Variants in ZNF79 observed in about 807,000 individuals in gnomAD.
ZNF79 encodes the protein ZNFpT7.
A neutral mutation model predicts 14.9 loss-of-function variants in ZNF79; 13 were observed. The ratio of observed to expected loss-of-function variants is 0.87; its 90% CI spans 0.57 to 1.38. The LOEUF (loss-of-function observed/expected upper bound fraction) is 1.38. Among genes scored for constraint, ZNF79 ranks in the 40% most tolerant of loss-of-function variants. The pLI is 0.00. For missense variants in ZNF79, 631 were observed against 630.6 expected (o/e 1.00, Z -0.01); for synonymous variants, 223 against 235.1 (o/e 0.95, Z 0.47).
chr9:127,425,031 GACCTCAGAC>G (rs1342507670), intron 1 of ZNF79: 1 of 1,153,778 alleles, frequency 8.7e-7, no homozygotes, highest in African/African-American at 1.6e-5. Flanking sequence ...AAAGTTTGAG[GACCTCAGAC>G]TGCGTGATTT....
At chr9:127,439,105 C>CT (rs1564236110) in intron 4 of ZNF79, among the ~76,000 whole-genome samples, 7 of 46,312 alleles carry the variant, frequency 1.5e-4, no homozygotes, top group African/African-American at 5.2e-4. Flanking sequence ...AAGCGAGACT[C>CT]TGTCACAAAA....
At chr9:127,437,322 G>C (rs984413248) in intron 4 of ZNF79, among the ~76,000 whole-genome samples, 8 of 143,108 alleles carry the variant, frequency 5.6e-5, no homozygotes, top group Admixed American at 2.1e-4. Context: ...TGGCCCTGCT[G>C]CTTCCTTCTC....
chr9:127,436,957 G>A (rs1833958385), intron 4 of ZNF79, among the ~76,000 whole-genome samples: 2 of 151,970 alleles, frequency 1.3e-5, no homozygotes, highest in Non-Finnish European at 2.9e-5. Flanking sequence ...TACTTCAGGA[G>A]GCTGAGGCAG....
At chr9:127,425,017 C>CA in intron 1 of ZNF79, 1 of 1,363,570 alleles carries the variant, frequency 7.3e-7, no homozygotes, top group Non-Finnish European at 9.7e-7. Context: ...ATTCGGGGGT[C>CA]AAAAAAGTTT....
At chr9:127,434,789 C>T (rs1406234112) in intron 2 of ZNF79, among the ~76,000 whole-genome samples, 2 of 152,186 alleles carry the variant, frequency 1.3e-5, no homozygotes, top group South Asian at 2.1e-4. Flanking sequence ...GCTGGGATTA[C>T]AGGCACGCAC....
chr9:127,432,760 G>A (rs1480065856), intron 2 of ZNF79, among the ~76,000 whole-genome samples: 1 of 152,030 alleles, frequency 6.6e-6, no homozygotes, highest in African/African-American at 2.4e-5. Context: ...TGGGCTGACT[G>A]TCAATGACTG....
At chr9:127,431,649 T>G (rs1253252696) in intron 2 of ZNF79, among the ~76,000 whole-genome samples, 1 of 152,226 alleles carries the variant, frequency 6.6e-6, no homozygotes, top group African/African-American at 2.4e-5. Flanking sequence ...CCAAGGATTC[T>G]TTGCCAGAAC....
chr9:127,437,855 C>T (rs987102327), intron 4 of ZNF79, among the ~76,000 whole-genome samples: 3 of 152,028 alleles, frequency 2.0e-5, no homozygotes, highest in African/African-American at 7.2e-5. Context: ...ATTACATCTA[C>T]AAAGACCTTG....
At chr9:127,426,191 C>G (rs571843497) in intron 1 of ZNF79, among the ~76,000 whole-genome samples, 3 of 152,118 alleles carry the variant, frequency 2.0e-5, no homozygotes, top group Non-Finnish European at 4.4e-5. Context: ...TTCACAAAGT[C>G]TTGCAACCAT....
At chr9:127,439,037 G>A (rs547685005) in intron 4 of ZNF79, among the ~76,000 whole-genome samples, 1 of 151,910 alleles carries the variant, frequency 6.6e-6, no homozygotes, top group East Asian at 1.9e-4. Context: ...GCTTGAACCC[G>A]GGAGGCAGAG....
chr9:127,443,920 AAAG>A, intron 4 of ZNF79, 106 bp from the exon 5 acceptor site: 5 of 898,920 alleles, frequency 5.6e-6, no homozygotes, highest in African/African-American at 1.7e-5. Context: ...AAAAAAAAAA[AAAG>A]GAGATGAGTC....
chr9:127,444,468 A>G lies in ZNF79; in HGVS notation c.768A>G (p.Arg256=), dbSNP rs776915020. The change falls in exon 5 of 5, where the codon AGA becomes AGG. Residue 256 remains arginine, a synonymous_variant. Coordinates refer to ENST00000342483, the MANE Select transcript of ZNF79 (RefSeq NM_007135.3). ...EKPYKCSECG[R]AFSQNANLTK... The stretch of plus-strand genomic sequence containing the variant: ...CTTACAAGTGCAGTGAATGTGGAAG[A>G]GCCTTCAGCCAGAACGCCAACCTCA... 4.3e-6 allele frequency: 7 copies of G among 1,609,408 alleles called. No homozygotes were observed. In the Admixed American group the frequency reaches 1.0e-4, roughly 23 times the overall value.
chr9:127,430,977 C>G (rs918384825), intron 2 of ZNF79, among the ~76,000 whole-genome samples: 1 of 152,168 alleles, frequency 6.6e-6, no homozygotes, highest in Non-Finnish European at 1.5e-5. Context: ...GCCATTATTT[C>G]TGGTGTGAGA....
chr9:127,425,194 G>C (rs7035039), intron 1 of ZNF79, among the ~76,000 whole-genome samples: 86,465 of 151,940 alleles, frequency 0.57, 25,101 homozygotes, highest in Middle Eastern at 0.62. Flanking sequence ...GGAAGCCCGG[G>C]AAAGTTTGGG....
intron 4 of ZNF79, among the ~76,000 whole-genome samples, chr9:127,439,479 G>A (rs1834012888): frequency 6.6e-6 from 1 of 152,192 alleles, no homozygotes; most frequent in Non-Finnish European, 1.5e-5. Context: ...AGCTATTAGA[G>A]GAGTTCAACA....
intron 4 of ZNF79, among the ~76,000 whole-genome samples, chr9:127,437,282 G>A (rs1355170204): frequency 1.3e-5 from 2 of 151,566 alleles, no homozygotes; most frequent in African/African-American, 4.9e-5. Flanking sequence ...ACTCATGCTT[G>A]TTGACACTGC....
Position 127,444,962 on chromosome 9 carries a change from A to C in ZNF79, c.1262A>C (p.Glu421Ala). 2 of 1,614,188 alleles carry C rather than the reference A, an allele frequency of 1.2e-6. No individual in the cohort carries two copies. Among genetic ancestry groups the C allele is most frequent in the East Asian group, 2.2e-5 (1 of 44,890 alleles). Residue 421 changes from glutamate to alanine, a missense_variant, in exon 5 of 5, where the codon GAA (glutamate) becomes GCA (alanine). Coordinates refer to ENST00000342483, the MANE Select transcript of ZNF79 (RefSeq NM_007135.3). ...HTGEKPYKCN[E>A]CGKFFSESSA... Reference sequence around the variant, plus strand: ...GGGGAGAAGCCATATAAATGTAATGAATGTGGGAAATTCTTCAGTGAGAGC... The same window carrying C: ...GGGGAGAAGCCATATAAATGTAATGCATGTGGGAAATTCTTCAGTGAGAGC...
At chr9:127,436,110 A>G in intron 4 of ZNF79, 107 bp downstream of exon 4, 1 of 896,092 alleles carries the variant, frequency 1.1e-6, no homozygotes. Flanking sequence ...AGGCGCTATT[A>G]CCCCCATTCT....
At chr9:127,428,719 G>T (rs1428763327) in intron 1 of ZNF79, 113 bp from the exon 2 acceptor site, 5 of 1,300,878 alleles carry the variant, frequency 3.8e-6, no homozygotes, top group Non-Finnish European at 4.9e-6. Flanking sequence ...CACACTACAG[G>T]TCTGCAGATT....
Sources: gnomAD v4.1 joint callset for allele counts (sites outside exome capture counted in the v4.1 genomes callset) on GRCh38, gnomAD v4.1.1 for gene constraint, MANE v1.5 for transcripts, NCBI Gene and HGNC (gene_info 2026-07-23, HGNC 2026-07-21) for gene names.